The following RIMS1 variants were observed in gnomAD, a reference collection of about 807,000 sequenced individuals.
RIMS1 encodes regulating synaptic membrane exocytosis protein 1.
RIMS1 carries 83 observed loss-of-function variants against 214.1 expected under a neutral mutation model. The ratio of observed to expected loss-of-function variants is 0.39; its 90% CI spans 0.32 to 0.47. The LOEUF (loss-of-function observed/expected upper bound fraction) is 0.47. Among genes scored for constraint, RIMS1 ranks in the 20% least tolerant of loss-of-function variants. The pLI, the probability that RIMS1 is intolerant of heterozygous loss-of-function variation, is 0.99. For missense variants in RIMS1, 2,050 were observed against 2,161.8 expected (o/e 0.95, Z 1.03); for synonymous variants, 793 against 786.8 (o/e 1.01, Z -0.13).
intron 4 of RIMS1, among the ~76,000 whole-genome samples, chr6:72,159,851 A>T (rs1213886275): frequency 7.2e-6 from 1 of 139,718 alleles, no homozygotes; most frequent in African/African-American, 2.5e-5. Flanking sequence ...TCTTTTGGCT[A>T]AGGATTGACT....
chr6:72,140,180 T>TTTTTTTTTTA (rs1310613268), intron 4 of RIMS1, among the ~76,000 whole-genome samples: 1 of 152,166 alleles, frequency 6.6e-6, no homozygotes, highest in Non-Finnish European at 1.5e-5. Context: ...TTGTGACCTT[T>TTTTTTTTTTA]TTTATTTAAA....
intron 19 of RIMS1, chr6:72,261,381 A>G (rs1455600512): frequency 4.2e-5 from 41 of 986,312 alleles, no homozygotes; most frequent in Non-Finnish European, 4.9e-5. Context: ...GGCATATAAC[A>G]GTATGAATGC....
chr6:72,229,037 T>A (rs998787792), intron 6 of RIMS1, among the ~76,000 whole-genome samples: 1 of 151,862 alleles, frequency 6.6e-6, no homozygotes, highest in African/African-American at 2.4e-5. Context: ...TCCCAAGGAT[T>A]TATACCTTTT....
At chr6:72,229,934 A>G (rs2061427289) in intron 6 of RIMS1, among the ~76,000 whole-genome samples, 1 of 151,846 alleles carries the variant, frequency 6.6e-6, no homozygotes, top group Non-Finnish European at 1.5e-5. Flanking sequence ...ACCTATTCTT[A>G]GAACTCAGTT....
At chr6:72,105,734 A>ATGTT (rs945625896) in intron 4 of RIMS1, among the ~76,000 whole-genome samples, 1 of 152,140 alleles carries the variant, frequency 6.6e-6, no homozygotes, top group African/African-American at 2.4e-5. Flanking sequence ...AATTTTATGA[A>ATGTT]TGTTATATTA....
chr6:72,399,056 C>G lies in RIMS1; in HGVS notation c.4822C>G (p.Leu1608Val). The G allele has an allele frequency of 6.2e-7, 1 of 1,608,634 alleles. No individual in the cohort carries two copies. The highest frequency in any genetic ancestry group is 8.5e-7 in the Non-Finnish European group (1 of 1,176,984). The change falls in exon 33 of 34, where the codon CTG (leucine) becomes GTG (valine). Residue 1608 changes from leucine to valine, a missense_variant. Leu to Val is a conservative substitution (Grantham distance 32). This residue lies in a region of RIMS1 where 121 missense variants were observed against 187.3 expected (regional missense o/e 0.65). Coordinates refer to ENST00000521978, the MANE Select transcript of RIMS1 (RefSeq NM_014989.7). ...KTLDPLYQQSLVFDESPQGKV... is the reference protein window; with the variant it reads ...KTLDPLYQQSVVFDESPQGKV... Reference sequence around the variant, plus strand: ...CCTTGATCCTTTGTATCAGCAGTCTCTGGTTTTTGATGAAAGTCCACAGGG... The same window carrying G: ...CCTTGATCCTTTGTATCAGCAGTCTGTGGTTTTTGATGAAAGTCCACAGGG...
At chr6:72,106,667 T>G (rs1364717875) in intron 4 of RIMS1, among the ~76,000 whole-genome samples, 1 of 152,234 alleles carries the variant, frequency 6.6e-6, no homozygotes, top group African/African-American at 2.4e-5. Context: ...TTGTTTGTTT[T>G]ATTTTGCTTT....
intron 1 of RIMS1, among the ~76,000 whole-genome samples, chr6:71,964,405 CAGG>C (rs1793865537): frequency 6.6e-6 from 1 of 152,070 alleles, no homozygotes; most frequent in Non-Finnish European, 1.5e-5. Flanking sequence ...GAATAGACTC[CAGG>C]AGGAGAACAA....
At chr6:72,252,734 G>T (rs2073995599) in intron 15 of RIMS1, 27 bp from the exon 16 acceptor site, 1 of 1,543,986 alleles carries the variant, frequency 6.5e-7, no homozygotes, top group African/African-American at 1.4e-5. Context: ...AGACACAGAA[G>T]TATCTCTTTG....
In RIMS1 at chr6:72,320,067, T is replaced by G. The variant is rs188008942; in HGVS notation, c.4130+6395T>G. Among the ~76,000 whole-genome samples, 94 of 152,292 alleles carry G rather than the reference T, an allele frequency of 6.2e-4. No homozygotes were observed. In the East Asian group the frequency reaches 0.015, roughly 24 times the overall value. Reference sequence around the variant, plus strand: ...AATATAGTGCAACGGCATTTAAAATTCGAATTTTGATTACTAATATTTAAC... The same window carrying G: ...AATATAGTGCAACGGCATTTAAAATGCGAATTTTGATTACTAATATTTAAC... On this transcript the variant is annotated intron_variant, in intron 28 of 33. Coordinates refer to ENST00000521978, the MANE Select transcript of RIMS1 (RefSeq NM_014989.7).
intron 28 of RIMS1, 134 bp downstream of exon 28, chr6:72,313,806 A>G: frequency 1.2e-6 from 1 of 858,200 alleles, no homozygotes; most frequent in Non-Finnish European, 1.7e-6. Context: ...ACTATGTAGT[A>G]TTGCCAACAG....
intron 23 of RIMS1, among the ~76,000 whole-genome samples, chr6:72,282,890 C>CA: frequency 6.6e-6 from 1 of 151,974 alleles, no homozygotes; most frequent in East Asian, 1.9e-4. Context: ...TCTGAAAACA[C>CA]ACAGCTGAAA....
At chr6:72,116,822 A>G (rs2037174659) in intron 4 of RIMS1, among the ~76,000 whole-genome samples, 1 of 151,988 alleles carries the variant, frequency 6.6e-6, no homozygotes, top group Non-Finnish European at 1.5e-5. Context: ...AATTTACAAA[A>G]CATTACCATT....
At chr6:72,352,606 C>A (rs891967383) in intron 29 of RIMS1, among the ~76,000 whole-genome samples, 5 of 152,190 alleles carry the variant, frequency 3.3e-5, no homozygotes, top group African/African-American at 4.8e-5. Flanking sequence ...GGCAGATGCT[C>A]ATGGCAGGCA....
At chr6:72,114,404 T>C (rs1214732417) in intron 4 of RIMS1, among the ~76,000 whole-genome samples, 1 of 151,990 alleles carries the variant, frequency 6.6e-6, no homozygotes, top group Non-Finnish European at 1.5e-5. Flanking sequence ...GTTGACAGCA[T>C]GTGGTTGAAA....
intron 1 of RIMS1, among the ~76,000 whole-genome samples, chr6:71,923,855 C>T (rs912048546): frequency 2.0e-5 from 3 of 152,164 alleles, no homozygotes; most frequent in East Asian, 1.9e-4. Flanking sequence ...TGAGCCACTG[C>T]GCCTGGCCTT....
At chr6:72,218,205 T>C (rs1458268880) in intron 6 of RIMS1, among the ~76,000 whole-genome samples, 5 of 151,088 alleles carry the variant, frequency 3.3e-5, no homozygotes, top group Admixed American at 2.6e-4. Flanking sequence ...AAGACTGCAC[T>C]CCTTGGGAGA....
At chr6:72,288,734 C>A (rs1471206744) in intron 24 of RIMS1, among the ~76,000 whole-genome samples, 1 of 152,182 alleles carries the variant, frequency 6.6e-6, no homozygotes, top group Non-Finnish European at 1.5e-5. Context: ...TACCCAGCTT[C>A]CCCTTCATAA....
rs769393745 is a variant in RIMS1, at chr6:72,292,012, A to T, written c.3816A>T (p.Pro1272=). ...GCAGTCGCAGGGGAAGACAGCTCCC[A>T]CAAGTGCCAGTGAGAAGCGGCAGTA... ...SFSSRRGRQL[P]QVPVRSGSIE... The change falls in exon 26 of 34, where the codon CCA becomes CCT. Residue 1272 remains proline, a synonymous_variant. Coordinates refer to ENST00000521978, the MANE Select transcript of RIMS1 (RefSeq NM_014989.7). 1 of 1,560,438 alleles carries T rather than the reference A, an allele frequency of 6.4e-7. No homozygotes were observed. The highest frequency in any genetic ancestry group is 8.7e-7 in the Non-Finnish European group (1 of 1,152,190).
Sources: gnomAD v4.1 joint callset for allele counts (sites outside exome capture counted in the v4.1 genomes callset) on GRCh38, gnomAD v4.1.1 for gene constraint, gnomAD v4.1.1 regional missense constraint, MANE v1.5 for transcripts, NCBI Gene and HGNC (gene_info 2026-07-23, HGNC 2026-07-21) for gene names.